RPL23: variants seen among roughly 807,000 people sequenced by gnomAD.
RPL23 encodes large ribosomal subunit protein uL14.
For synonymous variants in RPL23, 63 were observed against 65.3 expected (o/e 0.97, Z 0.17); for missense variants, 79 against 178.8 (o/e 0.44, Z 3.18).
chr17:38,850,493 G>C lies in RPL23; in HGVS notation c.227-18C>G. On this transcript the variant is annotated intron_variant, in intron 3 of 4. Transcript: ENST00000479035. ...TGGATGTACTGAGAGAAGAAAAAAG[G>C]ACAGCAGTCATTAACCTGTCAAGTC... 1 of 1,570,746 alleles carries C rather than the reference G, an allele frequency of 6.4e-7. No individual in the cohort carries two copies. Among genetic ancestry groups the C allele is most frequent in the South Asian group, 1.1e-5 (1 of 90,128 alleles).
intron 1 of RPL23, 130 bp downstream of exon 1, chr17:38,853,568 G>C (rs1359859658): frequency 8.8e-6 from 10 of 1,133,272 alleles, no homozygotes. Flanking sequence ...TGCTCTCGCG[G>C]TGGCCTGGCT....
chr17:38,852,947 G>A lies in RPL23; in HGVS notation c.97+75C>T, dbSNP rs746725392. 2.8e-6 allele frequency: 4 copies of A among 1,444,744 alleles called. No individual in the cohort carries two copies. The South Asian group carries it at 4.6e-5, about 17-fold the overall frequency. The allele number at this position is 1,444,744 out of a possible 1,614,324, so 89.5% of individuals were successfully genotyped here. On this transcript the variant is annotated intron_variant, in intron 2 of 4. Coordinates refer to ENST00000479035, the MANE Select transcript of RPL23 (RefSeq NM_000978.4). ...GTTTTCACTCTCCCCTTTCTTGACG[G>A]CTCAATAGGTCATTAGCCACAGGCC...
intron 3 of RPL23, chr17:38,850,894 C>G (rs1039247932): frequency 1.3e-5 from 2 of 154,488 alleles, no homozygotes; most frequent in African/African-American, 4.8e-5. Flanking sequence ...ATCCCAGTAT[C>G]ACTGAATTGG....
In RPL23 at chr17:38,850,732, CTGG is replaced by C. The variant is rs1912978270; in HGVS notation, c.227-260_227-258del. 3.7e-5 allele frequency: 15 copies of C among 400,488 alleles called. No individual in the cohort carries two copies. In the South Asian group the frequency reaches 5.1e-4, roughly 14 times the overall value. The allele number at this position is 400,488 out of a possible 1,614,324, so 24.8% of individuals were successfully genotyped here. ...TTGGCAAGCCTGGCCTCCCAAAGTG[CTGG>C]GAGTATAGGGAGTAAAGGCATGAAC... On this transcript the variant is annotated intron_variant, in intron 3 of 4. Transcript: ENST00000479035.
intron 3 of RPL23, chr17:38,852,391 C>T: frequency 1.7e-6 from 1 of 575,684 alleles, no homozygotes; most frequent in Non-Finnish European, 3.0e-6. Context: ...CAAAACAAAA[C>T]AAAAACAACA....
At chr17:38,850,281 C>A (rs1297416100) in intron 4 of RPL23, 67 bp from the exon 5 acceptor site, 1 of 1,549,996 alleles carries the variant, frequency 6.5e-7, no homozygotes, top group Non-Finnish European at 8.8e-7. Flanking sequence ...CATCGTCAAA[C>A]ACAGAAGATC....
chr17:38,852,469 AACTT>A, intron 3 of RPL23, 131 bp downstream of exon 3: 1 of 1,131,786 alleles, frequency 8.8e-7, no homozygotes, highest in Admixed American at 2.3e-5. Context: ...TATGAGCAAA[AACTT>A]AAGATACTTA....
At chr17:38,853,576 G>GCT (rs562107590) in intron 1 of RPL23, 122 bp downstream of exon 1, 72 of 1,234,280 alleles carry the variant, frequency 5.8e-5, no homozygotes, top group Non-Finnish European at 8.1e-5. Context: ...CGGTGGCCTG[G>GCT]CTCTCTCTCT....
At chr17:38,851,999 A>C (rs1913015772) in intron 3 of RPL23, 1 of 152,376 alleles carries the variant, frequency 6.6e-6, no homozygotes, top group Middle Eastern at 3.4e-3. Flanking sequence ...AAGTATTTTG[A>C]GGCCTCCCCC....
Position 38,853,002 on chromosome 17 carries a change from G to T in RPL23, c.97+20C>A. ...GAGTGCTTTTAAAAGGGGGAGTATA[G>T]CAACGTGCAAAGACCTCACCTGTGT... On this transcript the variant is annotated intron_variant, in intron 2 of 4. Transcript: ENST00000479035. 1 of 1,608,982 alleles carries T rather than the reference G, an allele frequency of 6.2e-7. No individual in the cohort carries two copies. Among genetic ancestry groups the T allele is most frequent in the Non-Finnish European group, 8.5e-7 (1 of 1,175,336 alleles).
At chr17:38,853,540 T>C (rs1005967110) in intron 1 of RPL23, 158 bp downstream of exon 1, 1 of 865,636 alleles carries the variant, frequency 1.2e-6, no homozygotes, top group Non-Finnish European at 1.9e-6. Context: ...CCACTGCCAC[T>C]TTCGAGGGCC....
Position 38,853,038 on chromosome 17 carries a change from A to G in RPL23, c.81T>C (p.Asn27=). 5.6e-6 allele frequency: 9 copies of G among 1,614,180 alleles called. No homozygotes were observed. Among genetic ancestry groups the G allele is most frequent in the Non-Finnish European group, 7.6e-6 (9 of 1,180,018 alleles). ...SLGLPVGAVI[N]CADNTGAKNL... ...AGACCTCACCTGTGTTGTCAGCACA[A>G]TTGATTACAGCTCCTACCGGAAGAC... is the stretch of plus-strand genomic sequence containing the variant. Residue 27 remains asparagine, a synonymous_variant, in exon 2 of 5, where the codon AAT becomes AAC. Transcript: ENST00000479035.
intron 3 of RPL23, 23 bp downstream of exon 3, chr17:38,852,581 A>T: frequency 6.2e-7 from 1 of 1,612,100 alleles, no homozygotes; most frequent in Non-Finnish European, 8.5e-7. Context: ...ATCAGTATTA[A>T]GGTGGGCTCA....
At chr17:38,850,263 G>A in intron 4 of RPL23, 49 bp from the exon 5 acceptor site, 2 of 1,556,128 alleles carry the variant, frequency 1.3e-6, no homozygotes, top group Non-Finnish European at 1.8e-6. Flanking sequence ...GTGGGGGACA[G>A]ATTAAGACAT....
At chr17:38,852,962 A>G (rs1913048301) in intron 2 of RPL23, 60 bp downstream of exon 2, 2 of 1,499,290 alleles carry the variant, frequency 1.3e-6, no homozygotes, top group African/African-American at 2.8e-5. Flanking sequence ...ATAGGTCATT[A>G]GCCACAGGCC....
chr17:38,851,656 G>A (rs908151521), intron 3 of RPL23: 6 of 152,208 alleles, frequency 3.9e-5, no homozygotes, highest in Non-Finnish European at 8.8e-5. Context: ...GTTCTGAGAA[G>A]AGGAAAAAGC....
At chr17:38,853,328 GA>G (rs1423421311) in intron 1 of RPL23, 19 of 658,576 alleles carry the variant, frequency 2.9e-5, no homozygotes, top group Non-Finnish European at 4.2e-5. Context: ...TCGAAATTAA[GA>G]AACCTAGACG....
At chr17:38,852,880 T>C (rs112844799) in intron 2 of RPL23, 142 bp downstream of exon 2, 521 of 1,376,704 alleles carry the variant, frequency 3.8e-4, no homozygotes, top group Non-Finnish European at 5.1e-4. Context: ...ACACCACCGA[T>C]TGAAGCAAAC....
chr17:38,850,247 A>C (rs892452807), intron 4 of RPL23, 33 bp from the exon 5 acceptor site: 1 of 1,562,510 alleles, frequency 6.4e-7, no homozygotes, highest in Admixed American at 1.9e-5. Context: ...AATAAAATAA[A>C]AACATGTGGG....
Sources: gnomAD v4.1 joint callset for allele counts on GRCh38, gnomAD v4.1.1 for gene constraint, MANE v1.5 for transcripts, NCBI Gene and HGNC (gene_info 2026-07-23, HGNC 2026-07-21) for gene names.